Variants in PKD1L1 observed in about 807,000 individuals in gnomAD.
PKD1L1 encodes polycystin-1-like protein 1.
A neutral mutation model predicts 323.4 loss-of-function variants in PKD1L1; 236 were observed. The ratio of observed to expected loss-of-function variants is 0.73; its 90% CI spans 0.66 to 0.81. The LOEUF (loss-of-function observed/expected upper bound fraction) is 0.81, where lower values mean the gene tolerates loss of function less well. Among genes scored for constraint, PKD1L1 ranks in the 40% least tolerant of loss-of-function variants. PKD1L1 has a pLI of 0.00. For missense variants in PKD1L1, 3,320 were observed against 3,508.0 expected (o/e 0.95, Z 1.35); for synonymous variants, 1,344 against 1,335.0 (o/e 1.01, Z -0.15).
At chr7:47,877,847 A>C (rs1786443783) in intron 21 of PKD1L1, among the ~76,000 whole-genome samples, 1 of 152,130 alleles carries the variant, frequency 6.6e-6, no homozygotes, top group Non-Finnish European at 1.5e-5. Flanking sequence ...GATAGTTTTC[A>C]CATACCCTTA....
At chr7:47,797,525 C>T (rs1394534221) in intron 54 of PKD1L1, among the ~76,000 whole-genome samples, 1 of 152,160 alleles carries the variant, frequency 6.6e-6, no homozygotes, top group Non-Finnish European at 1.5e-5. Context: ...GCAACACACC[C>T]ATGGCAGACA....
intron 56 of PKD1L1, among the ~76,000 whole-genome samples, chr7:47,781,223 T>C (rs1383145750): frequency 6.6e-6 from 1 of 152,110 alleles, no homozygotes; most frequent in African/African-American, 2.4e-5. Flanking sequence ...ATTATTTTGG[T>C]CCATTTTCTA....
chr7:47,917,685 A>T (rs1787458053), intron 7 of PKD1L1, among the ~76,000 whole-genome samples: 1 of 152,186 alleles, frequency 6.6e-6, no homozygotes, highest in South Asian at 2.1e-4. Flanking sequence ...TTCAAACAAA[A>T]CAATTATCAG....
At position 47,936,881 on chromosome 7, in the gene PKD1L1, T is replaced by C. The variant is rs1399962285; in HGVS notation, c.363A>G (p.Thr121=). The change falls in exon 4 of 57, where the codon ACA becomes ACG. Residue 121 remains threonine (T), a synonymous_variant. Coordinates refer to ENST00000289672, the MANE Select transcript of PKD1L1 (RefSeq NM_138295.5). ...EKTQAVVNEK[T]QAPLDCDNSA... Reference sequence around the variant, plus strand: ...TGTTATCACAATCCAGAGGCGCCTGTGTTTTTTCATTAACAACAGCCTGTG... The same window carrying C: ...TGTTATCACAATCCAGAGGCGCCTGCGTTTTTTCATTAACAACAGCCTGTG... 13 of 1,613,686 alleles carry C rather than the reference T, an allele frequency of 8.1e-6. No homozygotes were observed. Among genetic ancestry groups the C allele is most frequent in the African/African-American group, 1.3e-5 (1 of 75,020 alleles).
At chr7:47,889,499 C>T (rs983334659) in intron 16 of PKD1L1, among the ~76,000 whole-genome samples, 2 of 152,116 alleles carry the variant, frequency 1.3e-5, no homozygotes, top group African/African-American at 2.4e-5. Context: ...CTGGGCAGTG[C>T]TGTATGACCT....
chr7:47,825,467 G>A (rs192363341), intron 45 of PKD1L1, among the ~76,000 whole-genome samples: 45 of 151,264 alleles, frequency 3.0e-4, no homozygotes, highest in African/African-American at 8.5e-4. Flanking sequence ...AGAGGCGGGG[G>A]TTGCAGTGAG....
intron 37 of PKD1L1, 48 bp downstream of exon 37, chr7:47,836,873 G>A: frequency 6.3e-7 from 1 of 1,579,794 alleles, no homozygotes; most frequent in South Asian, 1.1e-5. Context: ...AGGGGCCACA[G>A]TGTAGTCGGA....
At chr7:47,926,691 A>C (rs996776675) in intron 7 of PKD1L1, among the ~76,000 whole-genome samples, 1 of 152,240 alleles carries the variant, frequency 6.6e-6, no homozygotes, top group Non-Finnish European at 1.5e-5. Context: ...AATGGCAAGA[A>C]TAACACTAGA....
intron 56 of PKD1L1, among the ~76,000 whole-genome samples, chr7:47,790,631 A>G (rs1786922316): frequency 6.6e-6 from 1 of 152,190 alleles, no homozygotes; most frequent in African/African-American, 2.4e-5. Flanking sequence ...GCACCGGGCC[A>G]TAACTTAAAT....
In PKD1L1 at chr7:47,840,530, T is replaced by C; in HGVS notation, c.5483A>G (p.Glu1828Gly). Reference protein sequence around the residue: ...IVLCGDNGLSETKELSCPEKP... With the variant: ...IVLCGDNGLSGTKELSCPEKP... Reference sequence around the variant, plus strand: ...CTCTGGACAGGAGAGCTCCTTGGTTTCTGACAGTCCATTGTCGCCACATAA... The same window carrying C: ...CTCTGGACAGGAGAGCTCCTTGGTTCCTGACAGTCCATTGTCGCCACATAA... The change falls in exon 35 of 57, where the codon GAA becomes GGA. Residue 1828 changes from glutamate to glycine, a missense_variant. Transcript: ENST00000289672. This position sits in a 1 kb window ranked among gnomAD's most constrained non-coding sequence, Gnocchi z 4.1. 1 of 1,614,172 alleles carries C rather than the reference T, an allele frequency of 6.2e-7. No individual in the cohort carries two copies. Among genetic ancestry groups the C allele is most frequent in the South Asian group, 1.1e-5 (1 of 91,074 alleles).
rs143975368 is a variant in PKD1L1 at position 47,942,565 on chromosome 7, A to C, written c.160+831T>G. The stretch of plus-strand genomic sequence containing the variant: ...TGTAGCCTAAGTTGAAAACTCAAAA[A>C]TTCCTTCTACTTAAAGGAATCCTGG... On this transcript the variant is annotated intron_variant, in intron 2 of 56. Coordinates refer to ENST00000289672, the MANE Select transcript of PKD1L1 (RefSeq NM_138295.5). Among the ~76,000 whole-genome samples the C allele has an allele frequency of 6.1e-3, 925 of 152,238 alleles. 9 individuals are homozygous for C. The highest frequency in any genetic ancestry group is 0.021 in the African/African-American group (886 of 41,530).
In PKD1L1 at chr7:47,929,524, G is replaced by T; in HGVS notation, c.740C>A (p.Ser247Tyr). Residue 247 changes from serine (S) to tyrosine (Y), a missense_variant and splice_region_variant, in exon 7 of 57, where the codon TCC becomes TAC. Physicochemically the swap from Ser to Tyr is moderately radical, Grantham distance 144. Coordinates refer to ENST00000289672, the MANE Select transcript of PKD1L1 (RefSeq NM_138295.5). Reference protein sequence around the residue: ...ISHFPTSPRSSHGLPPGIPRT... With the variant: ...ISHFPTSPRSYHGLPPGIPRT... The stretch of plus-strand genomic sequence containing the variant: ...AGGAATGCCAGGCGGAAGGCCGTGG[G>T]AGCTGTGGGAGAGAGGGAGAGGCTT... The T allele has an allele frequency of 1.2e-6, 2 of 1,610,948 alleles. No homozygotes were observed. The highest frequency in any genetic ancestry group is 1.7e-6 in the Non-Finnish European group (2 of 1,178,036).
intron 52 of PKD1L1, 86 bp from the exon 53 acceptor site, chr7:47,803,430 G>T (rs899681168): frequency 2.0e-6 from 3 of 1,478,126 alleles, no homozygotes; most frequent in African/African-American, 2.8e-5. Flanking sequence ...CATGCATAAA[G>T]AGTTCATTGG....
At chr7:47,821,263 TTTA>T (rs139741378) in intron 45 of PKD1L1, 77 bp from the exon 46 acceptor site, 822 of 737,438 alleles carry the variant, frequency 1.1e-3, no homozygotes, top group Middle Eastern at 1.5e-3. Context: ...TTGCAAAAGA[TTTA>T]TTATTATTAT....
At chr7:47,790,392 A>G (rs1439350974) in intron 56 of PKD1L1, among the ~76,000 whole-genome samples, 2 of 150,848 alleles carry the variant, frequency 1.3e-5, no homozygotes, top group Non-Finnish European at 2.9e-5. Context: ...GTGCAGTGGC[A>G]CAATCTCGGC....
At chr7:47,951,283 A>G (rs547859885), upstream of PKD1L1, among the ~76,000 whole-genome samples, 4 of 152,314 alleles carry the variant, frequency 2.6e-5, no homozygotes, top group South Asian at 8.3e-4. Flanking sequence ...GCATGAAATC[A>G]ATGTGCAAGG....
chr7:47,782,984 T>C (rs1786729710), intron 56 of PKD1L1, among the ~76,000 whole-genome samples: 1 of 152,126 alleles, frequency 6.6e-6, no homozygotes, highest in Admixed American at 6.5e-5. Context: ...GGATGAGGTA[T>C]GTCTTTGGGG....
chr7:47,939,332 C>A (rs903638209), intron 3 of PKD1L1, among the ~76,000 whole-genome samples: 2 of 152,208 alleles, frequency 1.3e-5, no homozygotes, highest in Non-Finnish European at 2.9e-5. Flanking sequence ...GAAAAATGAA[C>A]TGCAGGAGAG....
At chr7:47,819,887 C>A in intron 46 of PKD1L1, 1 of 251,104 alleles carries the variant, frequency 4.0e-6, no homozygotes, top group South Asian at 4.1e-5. Context: ...AAAATCCAAC[C>A]AAAAAGTATT....
Sources: allele counts gnomAD v4.1 joint callset (sites outside exome capture counted in the v4.1 genomes callset), GRCh38; gene constraint gnomAD v4.1.1; non-coding constraint Gnocchi (gnomAD v3.1); transcripts MANE v1.5; gene names NCBI Gene and HGNC (gene_info 2026-07-23, HGNC 2026-07-21).